Variants in FNDC1 observed in about 807,000 individuals in gnomAD.
FNDC1 encodes the protein fibronectin type III domain containing 1, also known as fibronectin type III domain-containing protein 1.
FNDC1 carries 96 observed loss-of-function variants against 168.0 expected under a neutral mutation model. The observed-to-expected ratio is 0.57, with a 90% CI of 0.48 to 0.68. FNDC1 has a LOEUF of 0.68. Among genes scored for constraint, FNDC1 ranks in the 30% least tolerant of loss-of-function variants. The pLI is 0.00. For missense variants in FNDC1, 2,587 were observed against 2,482.1 expected, an observed-to-expected ratio of 1.04 and a Z score of -0.90; for synonymous variants, 1,099 against 1,025.9, an observed-to-expected ratio of 1.07 and a Z score of -1.36.
rs954219849 is a variant in FNDC1, at chr6:159,232,972, C to T, written c.2460C>T (p.Leu820=). 12 of 1,611,782 alleles carry T rather than the reference C, an allele frequency of 7.4e-6. No homozygotes were observed. In the Middle Eastern group the frequency reaches 1.2e-3, roughly 155 times the overall value. The change falls in exon 11 of 23, where the codon CTC becomes CTT. Residue 820 remains leucine (L), a synonymous_variant. Coordinates refer to ENST00000297267, the MANE Select transcript of FNDC1 (RefSeq NM_032532.3). The surrounding 1 kb of genome is among the most constrained non-coding windows in gnomAD (Gnocchi z 4.9). The part of the protein sequence containing the change: ...ARPASGHFHL[L]RHKPFAANGR... ...CTGCCTCTGGACACTTCCATTTGCT[C>T]AGACACAAACCCTTTGCTGCCAACG... is the stretch of plus-strand genomic sequence containing the variant.
chr6:159,215,078 C>A lies in FNDC1; in HGVS notation c.594C>A (p.Tyr198Ter), dbSNP rs531853879. The change falls in exon 5 of 23, where the codon TAC (tyrosine) becomes TAA (stop). Residue 198 changes from tyrosine to a stop codon, truncating the protein, a stop_gained. Transcript: ENST00000297267. LOFTEE classifies it high-confidence loss of function. ...PRRSRGFLLG[Y>*]GESGRKMNYV... ...GATCACGGGGTTTTCTCCTGGGCTA[C>A]GGGGAGAGTGGCCGGAAGATGAATT... 1 of 1,613,826 alleles carries A rather than the reference C, an allele frequency of 6.2e-7. No homozygotes were observed. The highest frequency in any genetic ancestry group is 8.5e-7 in the Non-Finnish European group (1 of 1,179,870).
intron 1 of FNDC1, among the ~76,000 whole-genome samples, chr6:159,180,718 T>C (rs1346297386): frequency 6.6e-6 from 1 of 152,114 alleles, no homozygotes; most frequent in Non-Finnish European, 1.5e-5. Flanking sequence ...TACTTATAAG[T>C]GAGAACATGC....
intron 19 of FNDC1, among the ~76,000 whole-genome samples, chr6:159,262,393 A>G (rs1777504195): frequency 1.3e-5 from 2 of 152,258 alleles, no homozygotes. Flanking sequence ...TATGCTTTAT[A>G]CCAGAAATGT....
At chr6:159,220,977 G>A (rs1782811107) in intron 5 of FNDC1, among the ~76,000 whole-genome samples, 3 of 152,168 alleles carry the variant, frequency 2.0e-5, no homozygotes, top group Non-Finnish European at 1.5e-5. Context: ...TGGGACCCTC[G>A]GAGGGTGCGG....
Position 159,271,613 on chromosome 6 carries a change from C to T in FNDC1, c.*171C>T. ...CATCTCAGTCTGGAACTCAGTCCCA[C>T]TTCTTGGCCTGGACAATGAACAGGA... On this transcript the variant is annotated 3_prime_UTR_variant, in exon 23 of 23. Transcript: ENST00000297267. The T allele has an allele frequency of 1.7e-6, 1 of 573,054 alleles. No individual in the cohort carries two copies. Among genetic ancestry groups the T allele is most frequent in the South Asian group, 2.1e-5 (1 of 48,704 alleles). 35.5% of individuals were successfully genotyped at this position (573,054 alleles called of 1,614,324 possible). A position where few individuals can be genotyped will look rare whatever the true frequency, so the allele number is the denominator to read the frequency against.
rs1782955628 is a variant in FNDC1, at chr6:159,226,411, T to C, written c.1073-62T>C. The C allele has an allele frequency of 3.1e-6, 4 of 1,270,518 alleles. No individual in the cohort carries two copies. The South Asian group carries it at 4.0e-5, about 13-fold the overall frequency. 78.7% of individuals were successfully genotyped at this position (1,270,518 alleles called of 1,614,324 possible). A position where few individuals can be genotyped will look rare whatever the true frequency, so the allele number is the denominator to read the frequency against. On this transcript the variant is annotated intron_variant, in intron 8 of 22. Coordinates refer to ENST00000297267, the MANE Select transcript of FNDC1 (RefSeq NM_032532.3). ...AAATGTGTACCTAGAGACCATGTGC[T>C]ATTTACATCTAGAATGTCCGGTAAG...
At chr6:159,196,381 G>A (rs1181927909) in intron 1 of FNDC1, among the ~76,000 whole-genome samples, 2 of 152,106 alleles carry the variant, frequency 1.3e-5, no homozygotes, top group Non-Finnish European at 2.9e-5. Context: ...AGAGGCAATG[G>A]GCAATTTTGG....
intron 18 of FNDC1, among the ~76,000 whole-genome samples, chr6:159,258,783 G>C (rs1228306886): frequency 6.6e-6 from 1 of 152,186 alleles, no homozygotes; most frequent in Non-Finnish European, 1.5e-5. Flanking sequence ...TGTGATGTAA[G>C]GACACTCATT....
At chr6:159,209,623 T>C (rs1782556269) in intron 4 of FNDC1, among the ~76,000 whole-genome samples, 1 of 152,214 alleles carries the variant, frequency 6.6e-6, no homozygotes, top group Admixed American at 6.5e-5. Context: ...TATTGGATGC[T>C]TGCTGTGGGC....
rs1301092271 is a variant in FNDC1, at chr6:159,233,496, G to A, written c.2984G>A (p.Arg995Lys). ...RSQQHPSVPR[R>K]MTPGRAPQQQ... ...CAGCAGCATCCCAGTGTTCCCAGAA[G>A]GATGACACCCGGCCGGGCCCCACAA... is the stretch of plus-strand genomic sequence containing the variant. The change falls in exon 11 of 23, where the codon AGG becomes AAG. Residue 995 changes from arginine (R) to lysine (K), a missense_variant. Transcript: ENST00000297267. The surrounding 1 kb of genome is among the most constrained non-coding windows in gnomAD (Gnocchi z 4.6). 2.5e-6 allele frequency: 4 copies of A among 1,604,366 alleles called. No individual in the cohort carries two copies. Among genetic ancestry groups the A allele is most frequent in the Non-Finnish European group, 2.5e-6 (3 of 1,178,450 alleles).
chr6:159,223,507 TG>T lies in FNDC1; in HGVS notation c.767-18del. 6.5e-7 allele frequency: 1 copy of T among 1,541,830 alleles called. No homozygotes were observed. Among genetic ancestry groups the T allele is most frequent in the Middle Eastern group, 1.7e-4 (1 of 5,906 alleles). On this transcript the variant is annotated intron_variant, in intron 6 of 22. Transcript: ENST00000297267. ...CCTGTTGTGAGAGAAAGCCTTTCTC[TG>T]GGTCTCGTTGTCATTTCAGAAGAGG...
chr6:159,198,099 C>T (rs569614685), intron 2 of FNDC1, among the ~76,000 whole-genome samples: 1 of 152,302 alleles, frequency 6.6e-6, no homozygotes, highest in African/African-American at 2.4e-5. Flanking sequence ...TTAAATTTGA[C>T]TTTAACTTGA....
chr6:159,225,945 A>G (rs1782947546), intron 8 of FNDC1, among the ~76,000 whole-genome samples: 1 of 152,172 alleles, frequency 6.6e-6, no homozygotes. Context: ...TTCCACTAGC[A>G]TGTTGTTCAT....
chr6:159,207,485 T>C (rs1782510836), intron 4 of FNDC1, among the ~76,000 whole-genome samples: 1 of 152,188 alleles, frequency 6.6e-6, no homozygotes, highest in South Asian at 2.1e-4. Flanking sequence ...CACTTGCTGC[T>C]TTCTGATTGA....
chr6:159,204,089 G>A (rs564472457), intron 4 of FNDC1, among the ~76,000 whole-genome samples: 46 of 152,176 alleles, frequency 3.0e-4, no homozygotes, highest in African/African-American at 9.9e-4. Context: ...AGTTCGCGAC[G>A]CTTGCTCATT....
intron 7 of FNDC1, 52 bp from the exon 8 acceptor site, chr6:159,225,483 G>T: frequency 6.9e-7 from 1 of 1,440,632 alleles, no homozygotes; most frequent in South Asian, 1.5e-5. Context: ...GAGGCATCTA[G>T]TGTTGAGTGG....
In FNDC1 at chr6:159,231,940, G is replaced by A; in HGVS notation, c.1428G>A (p.Glu476=). The change falls in exon 11 of 23, where the codon GAG becomes GAA. Residue 476 remains glutamate, a synonymous_variant. Transcript: ENST00000297267. The part of the protein sequence containing the change: ...TEDNGKPEKP[E]PSSPSPRAPA... The stretch of plus-strand genomic sequence containing the variant: ...ACAATGGGAAACCCGAAAAACCTGA[G>A]CCTTCCTCACCTTCTCCCAGAGCTC... 1 of 1,613,736 alleles carries A rather than the reference G, an allele frequency of 6.2e-7. No homozygotes were observed. Among genetic ancestry groups the A allele is most frequent in the Non-Finnish European group, 8.5e-7 (1 of 1,179,820 alleles).
Position 159,234,136 on chromosome 6 carries a change from T to A in FNDC1, c.3624T>A (p.Thr1208=). 1 of 1,601,776 alleles carries A rather than the reference T, an allele frequency of 6.2e-7. No individual in the cohort carries two copies. Among genetic ancestry groups the A allele is most frequent in the Non-Finnish European group, 8.5e-7 (1 of 1,174,278 alleles). The change falls in exon 11 of 23, where the codon ACT becomes ACA. Residue 1208 remains threonine, a synonymous_variant. Coordinates refer to ENST00000297267, the MANE Select transcript of FNDC1 (RefSeq NM_032532.3). ...SSVPKWPSSS[T]PRGGKDADGS... is the part of the protein sequence containing the mutation. ...TGCCAAAGTGGCCCTCTTCCTCCAC[T>A]CCCAGGGGCGGCAAAGACGCCGATG...
intron 22 of FNDC1, among the ~76,000 whole-genome samples, chr6:159,268,213 G>A (rs994974680): frequency 3.3e-5 from 5 of 152,094 alleles, no homozygotes; most frequent in African/African-American, 4.8e-5. Flanking sequence ...AGGAGGTAAC[G>A]TATAAGCTAT....
Sources: gnomAD v4.1 joint callset for allele counts (sites outside exome capture counted in the v4.1 genomes callset) on GRCh38, gnomAD v4.1.1 for gene constraint, Gnocchi (gnomAD v3.1) non-coding constraint, MANE v1.5 for transcripts, NCBI Gene and HGNC (gene_info 2026-07-23, HGNC 2026-07-21) for gene names.